Variants in GFRA3 observed in about 807,000 individuals in gnomAD.
GFRA3 encodes the protein GDNF family receptor alpha-3.
GFRA3 carries 24 observed loss-of-function variants against 40.0 expected under a neutral mutation model. That is an observed-to-expected ratio of 0.60 (90% CI 0.43 to 0.84). The LOEUF (loss-of-function observed/expected upper bound fraction) is 0.84. Ranked by LOEUF, GFRA3 falls within the 40% of genes least tolerant of loss-of-function variation. The pLI, the probability that GFRA3 is intolerant of heterozygous loss-of-function variation, is 0.00. For missense variants in GFRA3, 405 were observed against 530.6 expected, an observed-to-expected ratio of 0.76 and a Z score of 2.33; for synonymous variants, 203 against 213.5, an observed-to-expected ratio of 0.95 and a Z score of 0.43.
intron 4 of GFRA3, 92 bp downstream of exon 4, chr5:138,257,547 G>A: frequency 1.8e-6 from 2 of 1,094,064 alleles, no homozygotes; most frequent in Admixed American, 2.9e-5. Context: ...CGGTTCCCTG[G>A]GAGGGTCAGA....
rs904420154 is a variant in GFRA3, at chr5:138,252,977, G to A, written c.1194C>T (p.Ser398=). ...CCCTGGGGAAGTCCAGCTACCATAGGCTCAGGAGCAGAATCAAGGGAAGCG... is the reference window on the plus strand; with the variant it reads ...CCCTGGGGAAGTCCAGCTACCATAGACTCAGGAGCAGAATCAAGGGAAGCG... The part of the protein sequence containing the change: ...SCTLPLILLL[S]LW The change falls in exon 8 of 8, where the codon AGC becomes AGT. Residue 398 remains serine (S), a synonymous_variant. Transcript: ENST00000274721. 1.3e-6 allele frequency: 2 copies of A among 1,593,116 alleles called. No homozygotes were observed. Among genetic ancestry groups the A allele is most frequent in the East Asian group, 4.5e-5 (2 of 44,772 alleles).
chr5:138,267,939 T>C (rs1270627823), intron 1 of GFRA3, among the ~76,000 whole-genome samples: 2 of 152,152 alleles, frequency 1.3e-5, no homozygotes, highest in Admixed American at 6.5e-5. Context: ...TACCCACATG[T>C]AGGAGAATGA....
In GFRA3 at chr5:138,265,733, C is replaced by T. The variant is rs563057301; in HGVS notation, c.92-1185G>A. 5.3e-5 allele frequency among the ~76,000 whole-genome samples: 8 copies of T among 152,140 alleles called. No homozygotes were observed. The South Asian group carries it at 1.5e-3, about 28-fold the overall frequency. On this transcript the variant is annotated intron_variant, in intron 1 of 7. Coordinates refer to ENST00000274721, the MANE Select transcript of GFRA3 (RefSeq NM_001496.4). ...TTTTTTAGATAGGGTCTTGCTCTAT[C>T]TCCCAGGCTGGAGTGCAGTGGCACG...
chr5:138,267,441 CT>C (rs1279557617), intron 1 of GFRA3: 1 of 152,576 alleles, frequency 6.6e-6, no homozygotes, highest in Non-Finnish European at 1.5e-5. Flanking sequence ...ATCCATCTGC[CT>C]TGGCCTCCCA....
chr5:138,271,913 TTGTGTG>T (rs1554111238), intron 1 of GFRA3, among the ~76,000 whole-genome samples: 7 of 54,326 alleles, frequency 1.3e-4, no homozygotes, highest in Admixed American at 5.1e-4. Flanking sequence ...TTTTTTTTTT[TTGTGTG>T]TGTGTGTGTG....
In GFRA3 at chr5:138,253,942, A is replaced by G. The variant is rs1755588633; in HGVS notation, c.890-42T>C. On this transcript the variant is annotated intron_variant, in intron 5 of 7. Coordinates refer to ENST00000274721, the MANE Select transcript of GFRA3 (RefSeq NM_001496.4). ...GGTAGTCAAGGCCTAGGCTAACCCT[A>G]ACTTTAGCTCCCACCTTCTTCCACC... 2.5e-6 allele frequency: 4 copies of G among 1,604,228 alleles called. No homozygotes were observed. In the East Asian group the frequency reaches 8.9e-5, roughly 36 times the overall value.
intron 3 of GFRA3, 61 bp from the exon 4 acceptor site, chr5:138,258,012 C>T (rs1350970383): frequency 5.0e-5 from 68 of 1,363,040 alleles, no homozygotes; most frequent in Non-Finnish European, 7.1e-5. Flanking sequence ...ACCCCAGGTT[C>T]CACAGGAACC....
At chr5:138,265,491 T>G (rs904983357) in intron 1 of GFRA3, among the ~76,000 whole-genome samples, 2 of 152,200 alleles carry the variant, frequency 1.3e-5, no homozygotes, top group African/African-American at 4.8e-5. Context: ...GTGCTGGGAT[T>G]ACAGGCGTGA....
intron 2 of GFRA3, among the ~76,000 whole-genome samples, chr5:138,261,166 A>AT (rs772723179): frequency 6.6e-6 from 1 of 152,216 alleles, no homozygotes; most frequent in Non-Finnish European, 1.5e-5. Context: ...GGCAGTCTTC[A>AT]TTATGCAGTG....
chr5:138,269,844 CAAA>C (rs71585112), intron 1 of GFRA3, among the ~76,000 whole-genome samples: 4 of 79,992 alleles, frequency 5.0e-5, no homozygotes, highest in Admixed American at 1.3e-4. Flanking sequence ...GACTCCATCT[CAAA>C]AAAAAAAAAA....
At chr5:138,274,202 C>T (rs1755915780) in intron 1 of GFRA3, 132 bp downstream of exon 1, 1 of 1,197,094 alleles carries the variant, frequency 8.4e-7, no homozygotes, top group Non-Finnish European at 1.1e-6. Context: ...GCTTCCTGCT[C>T]CAGTTCCCCT....
intron 2 of GFRA3, 95 bp from the exon 3 acceptor site, chr5:138,259,744 G>T: frequency 1.3e-6 from 1 of 762,748 alleles, no homozygotes. Context: ...AAGGCCTGTG[G>T]AGAAAAGGAA....
At position 138,252,661 on chromosome 5, in the gene GFRA3, A is replaced by G. The variant is rs1755565593; in HGVS notation, c.*307T>C. ...GAATGCAATAGAGAATGGCTAACTT[A>G]TTAGATTCTGGTGATCCTGGTAGTC... On this transcript the variant is annotated 3_prime_UTR_variant, in exon 8 of 8. Transcript: ENST00000274721. 1 of 256,844 alleles carries G rather than the reference A, an allele frequency of 3.9e-6. No individual in the cohort carries two copies. Among genetic ancestry groups the G allele is most frequent in the Non-Finnish European group, 7.5e-6 (1 of 132,782 alleles). 15.9% of individuals were successfully genotyped at this position (256,844 alleles called of 1,614,324 possible).
rs1755925261 is a variant in GFRA3 at position 138,274,613 on chromosome 5, C to CGCT, written c.-192_-190dup. Reference sequence around the variant, plus strand: ...GCGCGTCCACACCACGCGCCTCCAGCGCTGGTCCGAGGGACCGCGGGGGTG... The same window carrying CGCT: ...GCGCGTCCACACCACGCGCCTCCAGCGCTGCTGGTCCGAGGGACCGCGGGGGTG... On this transcript the variant is annotated 5_prime_UTR_variant, in exon 1 of 8. Transcript: ENST00000274721. 6.6e-6 allele frequency: 8 copies of CGCT among 1,218,240 alleles called. No homozygotes were observed. The highest frequency in any genetic ancestry group is 8.2e-6 in the Non-Finnish European group (8 of 979,822). 75.5% of individuals were successfully genotyped at this position (1,218,240 alleles called of 1,614,324 possible).
intron 2 of GFRA3, among the ~76,000 whole-genome samples, chr5:138,260,357 A>G (rs927237537): frequency 2.0e-5 from 3 of 152,230 alleles, no homozygotes; most frequent in Non-Finnish European, 2.9e-5. Context: ...GACAAGGCCA[A>G]CTCATAGAAG....
At chr5:138,267,593 A>C (rs1304539909) in intron 1 of GFRA3, 1 of 212,594 alleles carries the variant, frequency 4.7e-6, no homozygotes, top group Non-Finnish European at 1.0e-5. Flanking sequence ...GTAGTCAGAC[A>C]AAGCACATCC....
chr5:138,271,196 T>C (rs766436736), intron 1 of GFRA3, among the ~76,000 whole-genome samples: 1 of 152,140 alleles, frequency 6.6e-6, no homozygotes, highest in Non-Finnish European at 1.5e-5. Context: ...TTCTCGATGT[T>C]GGTCAGGCTG....
At chr5:138,255,568 A>G (rs889686442) in intron 4 of GFRA3, among the ~76,000 whole-genome samples, 1 of 152,180 alleles carries the variant, frequency 6.6e-6, no homozygotes, top group African/African-American at 2.4e-5. Context: ...GTAGCAGCAC[A>G]TCCTAAGTAA....
intron 1 of GFRA3, among the ~76,000 whole-genome samples, chr5:138,265,460 C>T (rs1379092482): frequency 2.0e-5 from 3 of 152,060 alleles, no homozygotes; most frequent in Admixed American, 6.6e-5. Flanking sequence ...TCGGGTAATC[C>T]GCCCACCTTA....
Sources: gnomAD v4.1 joint callset for allele counts (sites outside exome capture counted in the v4.1 genomes callset) on GRCh38, gnomAD v4.1.1 for gene constraint, MANE v1.5 for transcripts, NCBI Gene and HGNC (gene_info 2026-07-23, HGNC 2026-07-21) for gene names.